The following PRELID2 variants were observed in gnomAD, a reference collection of about 807,000 sequenced individuals.
PRELID2 encodes the protein PRELI domain-containing protein 2.
Under a neutral mutation model 28.4 loss-of-function variants are expected in PRELID2, and 25 were observed. That is an observed-to-expected ratio of 0.88 (90% CI 0.64 to 1.23). The LOEUF is 1.23. Ranked by LOEUF, PRELID2 falls within the 50% of genes most tolerant of loss-of-function variation. PRELID2 has a pLI of 0.00. For missense variants in PRELID2, 201 were observed against 214.4 expected, an observed-to-expected ratio of 0.94 and a Z score of 0.39; for synonymous variants, 76 against 71.6, an observed-to-expected ratio of 1.06 and a Z score of -0.31.
At chr5:145,264,709 C>T in the PRELID2 span, among the ~76,000 whole-genome samples, 2 of 151,998 alleles carry the variant, frequency 1.3e-5, no homozygotes, top group Non-Finnish European at 2.9e-5. Context: ...CACGGTGGCT[C>T]ATGCCTGTAA....
At chr5:145,523,259 G>A (rs1048856660) in intron 1 of PRELID2, among the ~76,000 whole-genome samples, 4 of 151,940 alleles carry the variant, frequency 2.6e-5, no homozygotes, top group East Asian at 1.9e-4. Flanking sequence ...AGATGCAATC[G>A]GAGGAAAAAA....
At chr5:145,373,363 GATA>G in the PRELID2 span, among the ~76,000 whole-genome samples, 1 of 56,008 alleles carries the variant, frequency 1.8e-5, no homozygotes, top group Non-Finnish European at 3.2e-5. Context: ...TAATATATAT[GATA>G]TTATATATTA....
At chr5:145,445,315 T>C in the PRELID2 span, among the ~76,000 whole-genome samples, 2 of 152,046 alleles carry the variant, frequency 1.3e-5, no homozygotes, top group Non-Finnish European at 2.9e-5. Context: ...CTGAGAAAAC[T>C]GGCTATTCAT....
intron 1 of PRELID2, among the ~76,000 whole-genome samples, chr5:145,508,941 T>A (rs536074232): frequency 2.6e-5 from 4 of 152,156 alleles, no homozygotes; most frequent in African/African-American, 7.2e-5. Flanking sequence ...TTGAAAGTAG[T>A]AGAGCAGAAT....
intron 1 of PRELID2, among the ~76,000 whole-genome samples, chr5:145,513,620 A>T (rs1752485679): frequency 6.6e-6 from 1 of 152,174 alleles, no homozygotes; most frequent in Admixed American, 6.5e-5. Context: ...ACAGGCCAAC[A>T]TTCAAATTCA....
chr5:145,474,321 C>T (rs971006783), intron 1 of PRELID2, among the ~76,000 whole-genome samples: 2 of 152,204 alleles, frequency 1.3e-5, no homozygotes, highest in Non-Finnish European at 2.9e-5. Context: ...CACCAATTAT[C>T]TCTTGCCATA....
At chr5:145,658,725 C>T (rs139390997) in intron 1 of PRELID2, among the ~76,000 whole-genome samples, 1 of 152,296 alleles carries the variant, frequency 6.6e-6, no homozygotes, top group African/African-American at 2.4e-5. Context: ...GATTCCTGTA[C>T]AGTCTGCAGA....
chr5:145,510,723 C>G (rs12518267), intron 1 of PRELID2, among the ~76,000 whole-genome samples: 1 of 152,202 alleles, frequency 6.6e-6, no homozygotes, highest in African/African-American at 2.4e-5. Context: ...TTTTGCTCCC[C>G]ACTACCTATG....
chr5:145,815,092 A>T (rs1055676866), intron 4 of PRELID2, among the ~76,000 whole-genome samples: 2 of 152,178 alleles, frequency 1.3e-5, no homozygotes, highest in Non-Finnish European at 2.9e-5. Flanking sequence ...GGTTTTCATG[A>T]GGTCATGAGT....
At chr5:145,456,178 A>T in the PRELID2 span, among the ~76,000 whole-genome samples, 43 of 152,188 alleles carry the variant, frequency 2.8e-4, no homozygotes, top group Non-Finnish European at 4.7e-4. Context: ...CCAACTATGT[A>T]ACTAGGCATA....
At chr5:145,434,043 T>C in the PRELID2 span, among the ~76,000 whole-genome samples, 4 of 152,158 alleles carry the variant, frequency 2.6e-5, no homozygotes, top group Admixed American at 2.6e-4. Context: ...AAAATGGACA[T>C]GGCTGTAGAG....
At chr5:145,519,369 C>T (rs896623408) in intron 1 of PRELID2, among the ~76,000 whole-genome samples, 1 of 152,078 alleles carries the variant, frequency 6.6e-6, no homozygotes, top group African/African-American at 2.4e-5. Context: ...GTAACCTAGG[C>T]TAAAAGTATA....
chr5:145,318,611 C>T, the PRELID2 span, among the ~76,000 whole-genome samples: 4 of 152,178 alleles, frequency 2.6e-5, no homozygotes, highest in Non-Finnish European at 5.9e-5. Flanking sequence ...GGCTGCTGTG[C>T]ACTCAAACCC....
chr5:145,455,346 G>T, the PRELID2 span, among the ~76,000 whole-genome samples: 227 of 152,148 alleles, frequency 1.5e-3, 1 homozygote, highest in African/African-American at 5.3e-3. Context: ...ATGCTGTTTT[G>T]GTTACTGTAG....
chr5:145,786,533 C>T (rs903195422), intron 5 of PRELID2, among the ~76,000 whole-genome samples: 1 of 152,188 alleles, frequency 6.6e-6, no homozygotes, highest in South Asian at 2.1e-4. Context: ...AGCTTCCCCA[C>T]TGAGCCTTCA....
chr5:145,297,488 A>G, the PRELID2 span, among the ~76,000 whole-genome samples: 1 of 152,108 alleles, frequency 6.6e-6, no homozygotes, highest in South Asian at 2.1e-4. Flanking sequence ...AGAGCTATCT[A>G]TGACAAACCC....
In PRELID2 at chr5:145,587,998, C is replaced by G. The variant is rs574455227; in HGVS notation, n.71-114683G>C. Among the ~76,000 whole-genome samples, 54 of 152,186 alleles carry G rather than the reference C, an allele frequency of 3.5e-4. No homozygotes were observed. In the South Asian group the frequency reaches 0.011, roughly 30 times the overall value. ...AAATTTCTTAATTGATCATTTTTGC[C>G]TGCTTACTAGGATTTAGGTACAAGA... is the stretch of plus-strand genomic sequence containing the variant. On this transcript the variant is annotated intron_variant and non_coding_transcript_variant, in intron 1 of 2. Coordinates refer to the PRELID2 transcript ENST00000510259.
intron 1 of PRELID2, among the ~76,000 whole-genome samples, chr5:145,679,458 A>G (rs1754890178): frequency 6.6e-6 from 1 of 152,156 alleles, no homozygotes. Context: ...AGCCAATTAC[A>G]TCACTCTATT....
the PRELID2 span, among the ~76,000 whole-genome samples, chr5:145,239,006 A>G: frequency 6.9e-6 from 1 of 145,960 alleles, no homozygotes; most frequent in Non-Finnish European, 1.5e-5. Flanking sequence ...TCTATCTAAC[A>G]CACACACATT....
Sources: allele counts gnomAD v4.1 joint callset (sites outside exome capture counted in the v4.1 genomes callset), GRCh38; gene constraint gnomAD v4.1.1; transcripts MANE v1.5; gene names NCBI Gene and HGNC (gene_info 2026-07-23, HGNC 2026-07-21).